The following GPR183 variants were observed in gnomAD, a reference collection of about 807,000 sequenced individuals.
GPR183 encodes the protein EBV-induced G-protein coupled receptor 2.
A neutral mutation model predicts 19.7 loss-of-function variants in GPR183; 9 were observed. That is an observed-to-expected ratio of 0.46 (90% CI 0.28 to 0.80). The LOEUF is 0.80. Ranked by LOEUF, GPR183 falls within the 30% of genes least tolerant of loss-of-function variation. The pLI is 0.13. For synonymous variants in GPR183, 160 were observed against 155.1 expected, an observed-to-expected ratio of 1.03 and a Z score of -0.24; for missense variants, 368 against 446.7, an observed-to-expected ratio of 0.82 and a Z score of 1.59.
chr13:99,297,981 A>G lies in GPR183; in HGVS notation c.-18-1818T>C, dbSNP rs75556235. Among the ~76,000 whole-genome samples, 56 of 152,244 alleles carry G rather than the reference A, an allele frequency of 3.7e-4. 2 individuals are homozygous for G. The East Asian group carries it at 0.011, about 29-fold the overall frequency. On this transcript the variant is annotated intron_variant, in intron 1 of 1. Transcript: ENST00000376414. ...AAATAGAATTCAAGGCAAATTCAAT[A>G]TTAATAGGAATACAGAGGGTCACTG...
chr13:99,297,171 A>T (rs941055055), intron 1 of GPR183, among the ~76,000 whole-genome samples: 1 of 152,188 alleles, frequency 6.6e-6, no homozygotes, highest in African/African-American at 2.4e-5. Flanking sequence ...TTTAAGTACT[A>T]AATTGAAAAA....
At chr13:99,300,330 C>T (rs1057452359) in intron 1 of GPR183, among the ~76,000 whole-genome samples, 1 of 152,218 alleles carries the variant, frequency 6.6e-6, no homozygotes, top group Non-Finnish European at 1.5e-5. Context: ...TAAATGCATG[C>T]TTTGGATATT....
At chr13:99,303,832 C>T (rs953017730) in intron 1 of GPR183, among the ~76,000 whole-genome samples, 3 of 152,298 alleles carry the variant, frequency 2.0e-5, no homozygotes, top group South Asian at 2.1e-4. Context: ...CAGGTCAACT[C>T]GGTCATTCGC....
intron 1 of GPR183, among the ~76,000 whole-genome samples, chr13:99,299,866 A>G (rs892496544): frequency 6.6e-6 from 1 of 152,194 alleles, no homozygotes; most frequent in African/African-American, 2.4e-5. Flanking sequence ...TATTTTGCAC[A>G]GGAAAAAAAT....
rs1399021903 is a variant in GPR183, at chr13:99,295,280, G to T, written c.866C>A (p.Ser289Tyr). ...CATCAGGCATACTGTAAAGTGCAGA[G>T]AAATCTGGAACGAATGTCTTTGGCT... ...ECSQRHSFQI[S>Y]LHFTVCLMNF... The change falls in exon 2 of 2, where the codon TCT (serine) becomes TAT (tyrosine). Residue 289 changes from serine to tyrosine, a missense_variant. Physicochemically the swap from Ser to Tyr is moderately radical, Grantham distance 144 (BLOSUM62 -2). Coordinates refer to ENST00000376414, the MANE Select transcript of GPR183 (RefSeq NM_004951.5). The surrounding 1 kb of genome is among the most constrained non-coding windows in gnomAD (Gnocchi z 4.1). 6.2e-7 allele frequency: 1 copy of T among 1,614,188 alleles called. No homozygotes were observed. Among genetic ancestry groups the T allele is most frequent in the Non-Finnish European group, 8.5e-7 (1 of 1,180,022 alleles).
intron 1 of GPR183, among the ~76,000 whole-genome samples, chr13:99,300,231 A>G (rs2044238452): frequency 2.6e-5 from 4 of 152,236 alleles, no homozygotes. Flanking sequence ...TTAACTGACG[A>G]CCGTTGTGCA....
At position 99,295,222 on chromosome 13, in the gene GPR183, G is replaced by A. The variant is rs1770515151; in HGVS notation, c.924C>T (p.Tyr308=). The A allele has an allele frequency of 3.1e-6, 5 of 1,614,014 alleles. No homozygotes were observed. Among genetic ancestry groups the A allele is most frequent in the African/African-American group, 1.3e-5 (1 of 74,922 alleles). Residue 308 remains tyrosine (Y), a synonymous_variant, in exon 2 of 2, where the codon TAC becomes TAT. Transcript: ENST00000376414. This position sits in a 1 kb window ranked among gnomAD's most constrained non-coding sequence, Gnocchi z 4.1. ...NFNCCMDPFI[Y]FFACKGYKRK... is the part of the protein sequence containing the mutation. ...TCTTATACCCTTTACATGCAAAGAA[G>A]TAGATAAAAGGGTCCATGCAGCAAT...
chr13:99,301,153 G>T (rs1223273027), intron 1 of GPR183, among the ~76,000 whole-genome samples: 2 of 152,194 alleles, frequency 1.3e-5, no homozygotes, highest in Non-Finnish European at 2.9e-5. Context: ...TGGCCCCTCA[G>T]CCGTCCTTCG....
At position 99,295,712 on chromosome 13, in the gene GPR183, A is replaced by G. The variant is rs776461577; in HGVS notation, c.434T>C (p.Ile145Thr). The change falls in exon 2 of 2, where the codon ATT (isoleucine) becomes ACT (threonine). Residue 145 changes from isoleucine to threonine, a missense_variant. Physicochemically the swap from Ile to Thr is moderately conservative, Grantham distance 89. Coordinates refer to ENST00000376414, the MANE Select transcript of GPR183 (RefSeq NM_004951.5). The surrounding 1 kb of genome is among the most constrained non-coding windows in gnomAD (Gnocchi z 4.1). ...TATGCACACGCCTTTTGCATGTTCA[A>G]TCCTTTTTATCTTGTTGTAGCGTAG... Reference protein sequence around the residue: ...HPLRYNKIKRIEHAKGVCIFV... With the variant: ...HPLRYNKIKRTEHAKGVCIFV... The G allele has an allele frequency of 3.7e-6, 6 of 1,614,136 alleles. No homozygotes were observed. Among genetic ancestry groups the G allele is most frequent in the South Asian group, 1.1e-5 (1 of 91,072 alleles).
chr13:99,296,769 C>T (rs192106013), intron 1 of GPR183, among the ~76,000 whole-genome samples: 1 of 151,772 alleles, frequency 6.6e-6, no homozygotes, highest in African/African-American at 2.4e-5. Context: ...AAGAAGAAGA[C>T]GACGACCGCA....
At chr13:99,301,543 T>C (rs531797275) in intron 1 of GPR183, among the ~76,000 whole-genome samples, 1 of 152,234 alleles carries the variant, frequency 6.6e-6, no homozygotes, top group Non-Finnish European at 1.5e-5. Context: ...ATGTATTTCA[T>C]TGCTAATAGA....
At chr13:99,303,966 A>G (rs946683819) in intron 1 of GPR183, among the ~76,000 whole-genome samples, 2 of 152,086 alleles carry the variant, frequency 1.3e-5, no homozygotes, top group African/African-American at 2.4e-5. Flanking sequence ...GCTCTGCTGC[A>G]CATCCGTGTC....
intron 1 of GPR183, among the ~76,000 whole-genome samples, chr13:99,306,967 T>G (rs958781115): frequency 1.8e-4 from 28 of 152,206 alleles, no homozygotes; most frequent in Admixed American, 3.3e-4. Context: ...CATAGGAATA[T>G]TCTATATTAA....
At chr13:99,306,901 C>G (rs1323485979) in intron 1 of GPR183, among the ~76,000 whole-genome samples, 2 of 152,134 alleles carry the variant, frequency 1.3e-5, no homozygotes, top group African/African-American at 4.8e-5. Flanking sequence ...CCTAGGAATT[C>G]TACCCCTGAG....
In GPR183 at chr13:99,295,809, T is replaced by C; in HGVS notation, c.337A>G (p.Ile113Val). Residue 113 changes from isoleucine (I) to valine (V), a missense_variant, in exon 2 of 2, where the codon ATC becomes GTC. Coordinates refer to ENST00000376414, the MANE Select transcript of GPR183 (RefSeq NM_004951.5). This position sits in a 1 kb window ranked among gnomAD's most constrained non-coding sequence, Gnocchi z 4.1. ...LCRITALVFY[I>V]NTYAGVNFMT... Reference sequence around the variant, plus strand: ...AAGTTCACACCTGCATATGTGTTGATGTAAAACACTAGCGCAGTTATCCTA... The same window carrying C: ...AAGTTCACACCTGCATATGTGTTGACGTAAAACACTAGCGCAGTTATCCTA... 6.2e-7 allele frequency: 1 copy of C among 1,611,404 alleles called. No individual in the cohort carries two copies.
chr13:99,294,837 C>A lies in GPR183; in HGVS notation c.*223G>T. The A allele has an allele frequency of 2.4e-6, 1 of 409,182 alleles. No homozygotes were observed. The highest frequency in any genetic ancestry group is 4.3e-6 in the Non-Finnish European group (1 of 233,064). The allele number at this position is 409,182 out of a possible 1,614,324, so 25.3% of individuals were successfully genotyped here. ...CGCCTCCTTTTGGTGTATTCGTTTA[C>A]AAATAAAAATGAAATATTTATTTGC... On this transcript the variant is annotated 3_prime_UTR_variant, in exon 2 of 2. Transcript: ENST00000376414.
At chr13:99,297,997 AG>A (rs1459958066) in intron 1 of GPR183, among the ~76,000 whole-genome samples, 2 of 152,170 alleles carry the variant, frequency 1.3e-5, no homozygotes, top group Non-Finnish European at 2.9e-5. Context: ...AGGAATACAG[AG>A]GGTCACTGCA....
At chr13:99,305,713 C>A (rs2044322934) in intron 1 of GPR183, among the ~76,000 whole-genome samples, 1 of 152,174 alleles carries the variant, frequency 6.6e-6, no homozygotes, top group African/African-American at 2.4e-5. Context: ...ACCATTGTCA[C>A]TAACGCGATA....
At chr13:99,300,798 G>T (rs1358886019) in intron 1 of GPR183, among the ~76,000 whole-genome samples, 38 of 152,192 alleles carry the variant, frequency 2.5e-4, no homozygotes, top group Non-Finnish European at 8.8e-5. Context: ...AGCAGTATGT[G>T]CTGGGTTCCT....
Sources: gnomAD v4.1 joint callset for allele counts (sites outside exome capture counted in the v4.1 genomes callset) on GRCh38, gnomAD v4.1.1 for gene constraint, Gnocchi (gnomAD v3.1) non-coding constraint, MANE v1.5 for transcripts, NCBI Gene and HGNC (gene_info 2026-07-23, HGNC 2026-07-21) for gene names.